Variants in MTRR observed in about 807,000 individuals in gnomAD.
MTRR encodes the protein 5-methyltetrahydrofolate-homocysteine methyltransferase reductase.
Under a neutral mutation model 79.2 loss-of-function variants are expected in MTRR, and 63 were observed. The ratio of observed to expected loss-of-function variants is 0.80; its 90% CI spans 0.65 to 0.98. MTRR has a LOEUF of 0.98. Among genes scored for constraint, MTRR ranks in the 50% least tolerant of loss-of-function variants. The pLI is 0.00. For missense variants in MTRR, 895 were observed against 839.6 expected (o/e 1.07, Z -0.82); for synonymous variants, 355 against 313.3 (o/e 1.13, Z -1.41).
At position 7,878,302 on chromosome 5, in the gene MTRR, C is replaced by T; in HGVS notation, c.760C>T (p.Leu254=). ...GLPPEYLQVH[L]QESLGQEESQ... ...ACCCCCAGAATATTTACAGGTACATCTGCAGGAGTCTCTTGGCCAGGTAAG... is the reference window on the plus strand; with the variant it reads ...ACCCCCAGAATATTTACAGGTACATTTGCAGGAGTCTCTTGGCCAGGTAAG... The change falls in exon 5 of 15, where the codon CTG becomes TTG. Residue 254 remains leucine (L), a synonymous_variant. Transcript: ENST00000440940. 6.2e-7 allele frequency: 1 copy of T among 1,614,244 alleles called. No homozygotes were observed. Among genetic ancestry groups the T allele is most frequent in the Non-Finnish European group, 8.5e-7 (1 of 1,180,050 alleles).
In MTRR at chr5:7,878,325, A is replaced by G; in HGVS notation, c.780+3A>G. Reference sequence around the variant, plus strand: ...ATCTGCAGGAGTCTCTTGGCCAGGTAAGGAAGTTTTTCTTTATGCTATAGA... The same window carrying G: ...ATCTGCAGGAGTCTCTTGGCCAGGTGAGGAAGTTTTTCTTTATGCTATAGA... On this transcript the variant is annotated splice_donor_region_variant and intron_variant, in intron 5 of 14. Transcript: ENST00000440940. The G allele has an allele frequency of 1.2e-6, 2 of 1,614,116 alleles. No individual in the cohort carries two copies. The highest frequency in any genetic ancestry group is 1.3e-5 in the African/African-American group (1 of 75,048).
intron 5 of MTRR, among the ~76,000 whole-genome samples, chr5:7,879,693 A>G (rs1354909964): frequency 1.3e-5 from 2 of 152,158 alleles, no homozygotes; most frequent in Non-Finnish European, 2.9e-5. Flanking sequence ...AGGGGTTGGA[A>G]GCAGGATTGG....
intron 1 of MTRR, among the ~76,000 whole-genome samples, chr5:7,853,723 C>G (rs1746142545): frequency 1.3e-5 from 2 of 152,332 alleles, no homozygotes. Flanking sequence ...ATCACTTGCT[C>G]CTGTCTGCTC....
At chr5:7,858,813 A>G (rs1746340282) in intron 1 of MTRR, among the ~76,000 whole-genome samples, 1 of 151,998 alleles carries the variant, frequency 6.6e-6, no homozygotes, top group Non-Finnish European at 1.5e-5. Flanking sequence ...CTCTGCAATG[A>G]ACTAATGACA....
upstream of MTRR, among the ~76,000 whole-genome samples, chr5:7,868,783 AAGAC>A (rs764783144): frequency 5.9e-5 from 9 of 152,226 alleles, no homozygotes; most frequent in East Asian, 1.9e-4. Context: ...ACGTGTGTGC[AAGAC>A]AGACAGACGG....
Position 7,900,604 on chromosome 5 carries a change from A to T in MTRR, c.*546A>T, listed in dbSNP as rs1243707485. 2.0e-5 allele frequency: 3 copies of T among 153,010 alleles called. No homozygotes were observed. Among genetic ancestry groups the T allele is most frequent in the East Asian group, 1.9e-4 (1 of 5,206 alleles). The allele number at this position is 153,010 out of a possible 1,614,324, so 9.5% of individuals were successfully genotyped here. On this transcript the variant is annotated 3_prime_UTR_variant, in exon 15 of 15. Coordinates refer to ENST00000440940, the MANE Select transcript of MTRR (RefSeq NM_002454.3). ...GTTACTAAAGCTATATTTCTGATAA[A>T]AAATATTTTAGGATAATTGCCTACA...
chr5:7,885,631 G>A (rs1478556687), intron 6 of MTRR, 70 bp from the exon 7 acceptor site: 5 of 1,379,648 alleles, frequency 3.6e-6, no homozygotes, highest in Middle Eastern at 1.9e-4. Context: ...CTATATTTTT[G>A]TTACCCTACA....
At chr5:7,870,170 C>A (rs1002094701) in intron 1 of MTRR, 4 of 589,498 alleles carry the variant, frequency 6.8e-6, no homozygotes, top group Non-Finnish European at 8.6e-6. Context: ...TATATATGCC[C>A]ATACACTCAC....
Position 7,880,846 on chromosome 5 carries a change from G to A in MTRR, c.781-2309G>A, listed in dbSNP as rs570732302. 7.9e-5 allele frequency among the ~76,000 whole-genome samples: 12 copies of A among 152,292 alleles called. No homozygotes were observed. The East Asian group carries it at 1.9e-3, about 25-fold the overall frequency. ...CTTGCTGTCATAGATGAGCTATGCT[G>A]ATGCTTTGGGTCCCTGGGTAACAAC... On this transcript the variant is annotated intron_variant, in intron 5 of 14. Transcript: ENST00000440940.
upstream of MTRR, chr5:7,866,822 A>G: frequency 1.2e-6 from 2 of 1,614,184 alleles, no homozygotes; most frequent in East Asian, 4.5e-5. Flanking sequence ...ATTTGGTGGC[A>G]AATAATTGAG....
chr5:7,858,334 A>G (rs1006662052), intron 1 of MTRR, among the ~76,000 whole-genome samples: 2 of 152,132 alleles, frequency 1.3e-5, no homozygotes, highest in Admixed American at 1.3e-4. Context: ...AAATCATCTA[A>G]TTACCCAGAT....
intron 6 of MTRR, 32 bp from the exon 7 acceptor site, chr5:7,885,669 A>AC: frequency 7.1e-7 from 1 of 1,411,840 alleles, no homozygotes; most frequent in African/African-American, 1.5e-5. Context: ...CGTATAATGT[A>AC]TTTTTTTTTT....
chr5:7,868,034 T>C (rs751102537), upstream of MTRR: 5 of 1,613,156 alleles, frequency 3.1e-6, no homozygotes, highest in African/African-American at 1.3e-5. Flanking sequence ...TCTATGCATC[T>C]GAAAATCAGA....
In MTRR at chr5:7,892,824, A is replaced by G. The variant is rs41283145; in HGVS notation, c.1468A>G (p.Thr490Ala). ...TTEVLRKGVC[T>A]GWLALLVASV... ...AGAGGTTCTGCGGAAGGGAGTATGT[A>G]CAGGCTGGCTGGCCTTGTTGGTTGC... Residue 490 changes from threonine (T) to alanine (A), a missense_variant, in exon 11 of 15, where the codon ACA becomes GCA. Transcript: ENST00000440940. 7,164 of 1,614,222 alleles carry G rather than the reference A, an allele frequency of 4.4e-3. 24 individuals carry two copies. Among genetic ancestry groups the G allele is most frequent in the Non-Finnish European group, 4.8e-3 (5,702 of 1,180,034 alleles).
chr5:7,869,341 C>T (rs1747440778), intron 1 of MTRR, 126 bp downstream of exon 1: 3 of 1,122,180 alleles, frequency 2.7e-6, no homozygotes, highest in Admixed American at 4.4e-5. Flanking sequence ...GCCCTTCGGC[C>T]TCCGGGGGTC....
chr5:7,873,846 A>G (rs1748421741), intron 3 of MTRR, among the ~76,000 whole-genome samples: 1 of 152,160 alleles, frequency 6.6e-6, no homozygotes, highest in Admixed American at 6.5e-5. Flanking sequence ...TTGAAGAAGC[A>G]ACCCCTCATG....
chr5:7,854,431 T>G (rs546257241), intron 1 of MTRR, among the ~76,000 whole-genome samples: 1 of 152,264 alleles, frequency 6.6e-6, no homozygotes, highest in South Asian at 2.1e-4. Flanking sequence ...CTGTATTAGT[T>G]CGTTTTCACT....
At chr5:7,882,259 T>C (rs1735711161) in intron 5 of MTRR, among the ~76,000 whole-genome samples, 1 of 152,216 alleles carries the variant, frequency 6.6e-6, no homozygotes. Context: ...ACCTTTGTAG[T>C]CTTTGATGAG....
intron 3 of MTRR, among the ~76,000 whole-genome samples, chr5:7,874,815 T>TAG (rs1748599995): frequency 6.6e-6 from 1 of 152,202 alleles, no homozygotes; most frequent in South Asian, 2.1e-4. Flanking sequence ...CAAGTGGACT[T>TAG]GACTGTCTTT....
Sources: allele counts gnomAD v4.1 joint callset (sites outside exome capture counted in the v4.1 genomes callset), GRCh38; gene constraint gnomAD v4.1.1; transcripts MANE v1.5; gene names NCBI Gene and HGNC (gene_info 2026-07-23, HGNC 2026-07-21).